The following HSD17B7 variants were observed in gnomAD, a reference collection of about 807,000 sequenced individuals.
HSD17B7 encodes the protein hydroxysteroid 17-beta dehydrogenase 7.
A neutral mutation model predicts 34.1 loss-of-function variants in HSD17B7; 17 were observed. That is an observed-to-expected ratio of 0.50 (90% CI 0.34 to 0.75). The LOEUF is 0.75. Among genes scored for constraint, HSD17B7 ranks in the 30% least tolerant of loss-of-function variants. The probability of loss-of-function intolerance (pLI) is 0.01; values close to 1 mark genes in which losing one functional copy is unlikely to be tolerated. For synonymous variants in HSD17B7, 122 were observed against 154.6 expected (o/e 0.79, Z 1.56); for missense variants, 296 against 406.6 (o/e 0.73, Z 2.34).
chr1:162,792,902 G>T, intron 2 of HSD17B7, 40 bp downstream of exon 2: 1 of 1,586,114 alleles, frequency 6.3e-7, no homozygotes, highest in East Asian at 2.2e-5. Context: ...TCATGTGATT[G>T]TGCAGCATAA....
chr1:162,800,966 T>C (rs1648794900), intron 5 of HSD17B7, among the ~76,000 whole-genome samples: 1 of 152,196 alleles, frequency 6.6e-6, no homozygotes, highest in Non-Finnish European at 1.5e-5. Flanking sequence ...TTCTGTGTTC[T>C]GGCTCTTAGA....
intron 2 of HSD17B7, among the ~76,000 whole-genome samples, chr1:162,795,035 C>T (rs1438489814): frequency 3.9e-5 from 6 of 152,040 alleles, no homozygotes; most frequent in Non-Finnish European, 8.8e-5. Context: ...CGCAAAACAG[C>T]CTTTTTTTTG....
At chr1:162,807,032 G>A (rs1159453613) in intron 8 of HSD17B7, among the ~76,000 whole-genome samples, 1 of 152,116 alleles carries the variant, frequency 6.6e-6, no homozygotes, top group African/African-American at 2.4e-5. Flanking sequence ...GTGCAGGTTT[G>A]TTACATATGT....
At position 162,793,154 on chromosome 1, in the gene HSD17B7, C is replaced by T. The variant is rs2102228806; in HGVS notation, c.239+292C>T. On this transcript the variant is annotated intron_variant, in intron 2 of 8. Coordinates refer to ENST00000254521, the MANE Select transcript of HSD17B7 (RefSeq NM_016371.4). ...GTTCCAAGTGATTCTCCTGCCTCCACCTCCTGAGTAGCTGGGATTACAGAC... is the reference window on the plus strand; with the variant it reads ...GTTCCAAGTGATTCTCCTGCCTCCATCTCCTGAGTAGCTGGGATTACAGAC... The T allele has an allele frequency of 1.2e-5, 3 of 260,000 alleles. 1 individual carries two copies. The highest frequency in any genetic ancestry group is 8.0e-5 in the South Asian group (2 of 24,970). 16.1% of individuals were successfully genotyped at this position (260,000 alleles called of 1,614,324 possible).
intron 7 of HSD17B7, 53 bp downstream of exon 7, chr1:162,804,376 A>G: frequency 3.6e-6 from 4 of 1,099,572 alleles, no homozygotes; most frequent in Middle Eastern, 2.0e-4. Context: ...GATGTGAATT[A>G]CAGGTTCACT....
intron 8 of HSD17B7, 24 bp from the exon 9 acceptor site, chr1:162,812,274 T>C: frequency 3.7e-6 from 6 of 1,610,514 alleles, no homozygotes; most frequent in Non-Finnish European, 5.1e-6. Context: ...TTTCTAGACA[T>C]CTCTATTTTT....
chr1:162,811,615 G>T (rs1021858696), intron 8 of HSD17B7, among the ~76,000 whole-genome samples: 8 of 152,210 alleles, frequency 5.3e-5, no homozygotes, highest in Admixed American at 2.6e-4. Flanking sequence ...GCATGTAAAA[G>T]CATTTAGGAG....
At chr1:162,805,282 G>T in intron 7 of HSD17B7, 112 bp from the exon 8 acceptor site, 1 of 1,412,040 alleles carries the variant, frequency 7.1e-7, no homozygotes, top group South Asian at 1.6e-5. Flanking sequence ...ATATTTGAGA[G>T]GATGTTTATA....
At chr1:162,802,316 A>T (rs1375677526) in intron 5 of HSD17B7, among the ~76,000 whole-genome samples, 1 of 152,266 alleles carries the variant, frequency 6.6e-6, no homozygotes, top group Non-Finnish European at 1.5e-5. Context: ...AGGACAGAAT[A>T]GTCCCCAAGT....
rs1200642331 is a variant in HSD17B7, at chr1:162,790,781, G to C, written c.-20G>C. 1 of 1,605,950 alleles carries C rather than the reference G, an allele frequency of 6.2e-7. No homozygotes were observed. Among genetic ancestry groups the C allele is most frequent in the Non-Finnish European group, 8.5e-7 (1 of 1,174,948 alleles). ...AGCGGCGGTGTTTGCTTCACTGCTT[G>C]GAAGTGTGAGTGCGCGAAGATGCGA... On this transcript the variant is annotated 5_prime_UTR_variant, in exon 1 of 9. Transcript: ENST00000254521.
chr1:162,793,121 C>T (rs535614295), intron 2 of HSD17B7: 5 of 171,590 alleles, frequency 2.9e-5, no homozygotes, highest in African/African-American at 2.5e-4. Flanking sequence ...TCAACCTCCA[C>T]CTCCTGGGTT....
intron 8 of HSD17B7, among the ~76,000 whole-genome samples, chr1:162,811,519 C>T (rs1199313207): frequency 6.6e-6 from 1 of 152,192 alleles, no homozygotes; most frequent in African/African-American, 2.4e-5. Flanking sequence ...TGAAAGTTTG[C>T]CTGTACATAC....
chr1:162,803,190 T>G (rs1648871949), intron 5 of HSD17B7: 3 of 299,358 alleles, frequency 1.0e-5, no homozygotes, highest in Non-Finnish European at 6.3e-6. Flanking sequence ...GCAAGGTTCA[T>G]GAGAATAGAG....
intron 3 of HSD17B7, 30 bp downstream of exon 3, chr1:162,796,707 G>T (rs1648623320): frequency 7.9e-7 from 1 of 1,263,854 alleles, no homozygotes; most frequent in South Asian, 1.2e-5. Flanking sequence ...TGAACTGATT[G>T]GAAGGAATGT....
chr1:162,808,047 C>G (rs1426568957), intron 8 of HSD17B7, among the ~76,000 whole-genome samples: 2 of 152,126 alleles, frequency 1.3e-5, no homozygotes, highest in African/African-American at 4.8e-5. Context: ...TTGCCCATGC[C>G]TATGTCCTGA....
At position 162,799,953 on chromosome 1, in the gene HSD17B7, G is replaced by A. The variant is rs771548699; in HGVS notation, c.642+16G>A. ...CAACCAGCAGGTAAGGCCTGTCTCA[G>A]TGATACGGAAATGGCAGAGGAGGGT... On this transcript the variant is annotated intron_variant, in intron 5 of 8. Coordinates refer to ENST00000254521, the MANE Select transcript of HSD17B7 (RefSeq NM_016371.4). The A allele has an allele frequency of 6.2e-7, 1 of 1,611,918 alleles. No individual in the cohort carries two copies. Among genetic ancestry groups the A allele is most frequent in the Admixed American group, 1.7e-5 (1 of 59,950 alleles).
chr1:162,797,779 G>A, intron 3 of HSD17B7, 23 bp from the exon 4 acceptor site: 1 of 1,601,422 alleles, frequency 6.2e-7, no homozygotes, highest in East Asian at 2.2e-5. Context: ...AAAAAGTCAT[G>A]CAATTATCTT....
chr1:162,802,181 TAAAC>T (rs1305689661), intron 5 of HSD17B7, among the ~76,000 whole-genome samples: 1 of 152,226 alleles, frequency 6.6e-6, no homozygotes, highest in African/African-American at 2.4e-5. Context: ...TCCCTATAAT[TAAAC>T]AAATGGAAGG....
At chr1:162,806,965 C>CT (rs1251895965) in intron 8 of HSD17B7, among the ~76,000 whole-genome samples, 1 of 152,062 alleles carries the variant, frequency 6.6e-6, no homozygotes, top group East Asian at 1.9e-4. Flanking sequence ...ATGTTATTTT[C>CT]TTTCTTTTTT....
Sources: gnomAD v4.1 joint callset for allele counts (sites outside exome capture counted in the v4.1 genomes callset) on GRCh38, gnomAD v4.1.1 for gene constraint, MANE v1.5 for transcripts, NCBI Gene and HGNC (gene_info 2026-07-23, HGNC 2026-07-21) for gene names.